Variants in SDK1 observed in about 807,000 individuals in gnomAD.
SDK1 encodes sidekick cell adhesion molecule 1.
A neutral mutation model predicts 245.5 loss-of-function variants in SDK1; 157 were observed. The ratio of observed to expected loss-of-function variants is 0.64; its 90% CI spans 0.56 to 0.73. The LOEUF (loss-of-function observed/expected upper bound fraction) is 0.73. Ranked by LOEUF, SDK1 falls within the 30% of genes least tolerant of loss-of-function variation. The pLI, the probability that SDK1 is intolerant of heterozygous loss-of-function variation, is 0.00. For missense variants in SDK1, 3,583 were observed against 3,002.3 expected, an observed-to-expected ratio of 1.19 and a Z score of -4.52; for synonymous variants, 1,647 against 1,278.5, an observed-to-expected ratio of 1.29 and a Z score of -6.15.
intron 4 of SDK1, among the ~76,000 whole-genome samples, chr7:3,664,207 A>C (rs1324955045): frequency 6.6e-6 from 1 of 152,120 alleles, no homozygotes; most frequent in Admixed American, 6.5e-5. Context: ...GGGAGTGTAA[A>C]GCATGAGGCA....
chr7:3,536,711 C>A (rs1244157123), intron 1 of SDK1, among the ~76,000 whole-genome samples: 2 of 150,988 alleles, frequency 1.3e-5, no homozygotes, highest in Non-Finnish European at 1.5e-5. Flanking sequence ...AAAACAAAAA[C>A]AAAAAACAAA....
rs142864164 is a variant in SDK1 at position 3,692,734 on chromosome 7, T to C, written c.713+50629T>C. ...TTTATGAAACATTATAGAATATTTATACTCTTTGATCTATTCAATGTAATA... is the reference window on the plus strand; with the variant it reads ...TTTATGAAACATTATAGAATATTTACACTCTTTGATCTATTCAATGTAATA... On this transcript the variant is annotated intron_variant, in intron 4 of 44. Coordinates refer to ENST00000404826, the MANE Select transcript of SDK1 (RefSeq NM_152744.4). 4.6e-5 allele frequency among the ~76,000 whole-genome samples: 7 copies of C among 152,290 alleles called. No homozygotes were observed. In the East Asian group the frequency reaches 1.4e-3, roughly 29 times the overall value.
intron 22 of SDK1, among the ~76,000 whole-genome samples, chr7:4,080,133 G>T (rs945224473): frequency 6.6e-6 from 1 of 152,160 alleles, no homozygotes; most frequent in African/African-American, 2.4e-5. Context: ...GAGGGACAGC[G>T]AGGAGGGTGG....
chr7:3,738,596 G>GATTGTATTAA (rs1779386552), intron 4 of SDK1, among the ~76,000 whole-genome samples: 2 of 152,098 alleles, frequency 1.3e-5, no homozygotes, highest in South Asian at 4.1e-4. Context: ...ATTTTAGCAG[G>GATTGTATTAA]ATTGTATTAA....
At chr7:3,727,621 G>C (rs190030368) in intron 4 of SDK1, among the ~76,000 whole-genome samples, 32 of 152,160 alleles carry the variant, frequency 2.1e-4, no homozygotes, top group African/African-American at 7.0e-4. Context: ...CTCCTGAGTA[G>C]CTGGGATTAT....
chr7:4,233,471 T>G (rs10249532), intron 41 of SDK1, 52 bp downstream of exon 41: 3 of 1,553,940 alleles, frequency 1.9e-6, no homozygotes, highest in Non-Finnish European at 2.6e-6. Flanking sequence ...GAGGGAGAAA[T>G]GGGGTCGAGG....
chr7:4,248,231 TAC>T (rs758287022), intron 44 of SDK1, among the ~76,000 whole-genome samples: 2 of 151,932 alleles, frequency 1.3e-5, no homozygotes, highest in African/African-American at 2.4e-5. Context: ...CACACCTGCA[TAC>T]ACACATGCAT....
intron 4 of SDK1, among the ~76,000 whole-genome samples, chr7:3,665,251 C>G (rs1783490112): frequency 6.6e-6 from 1 of 152,208 alleles, no homozygotes; most frequent in Non-Finnish European, 1.5e-5. Context: ...TCATCCCCAC[C>G]TACAGTGATG....
intron 4 of SDK1, among the ~76,000 whole-genome samples, chr7:3,709,250 G>C (rs1784967938): frequency 6.6e-6 from 1 of 152,138 alleles, no homozygotes; most frequent in Admixed American, 6.5e-5. Flanking sequence ...TCTGTTTAAG[G>C]AGCCTCAAGA....
At chr7:3,551,965 T>C (rs1427893086) in intron 1 of SDK1, among the ~76,000 whole-genome samples, 1 of 152,206 alleles carries the variant, frequency 6.6e-6, no homozygotes, top group African/African-American at 2.4e-5. Flanking sequence ...AATTAAGTAT[T>C]AATACTATGG....
At chr7:3,634,398 T>C (rs147569661) in intron 2 of SDK1, among the ~76,000 whole-genome samples, 75 of 152,330 alleles carry the variant, frequency 4.9e-4, no homozygotes, top group African/African-American at 1.8e-3. Context: ...AAATGGACAT[T>C]TAAGCCTTTG....
chr7:3,611,504 T>C, intron 1 of SDK1, among the ~76,000 whole-genome samples: 1 of 152,154 alleles, frequency 6.6e-6, no homozygotes, highest in East Asian at 1.9e-4. Context: ...GACTTTGTCC[T>C]AAAACAATCA....
At chr7:3,945,056 G>C (rs1780519574) in intron 5 of SDK1, among the ~76,000 whole-genome samples, 1 of 152,240 alleles carries the variant, frequency 6.6e-6, no homozygotes, top group Non-Finnish European at 1.5e-5. Context: ...AGAGTTTGCA[G>C]TGAGCTGAGA....
chr7:4,187,197 G>GT (rs1782946776), intron 35 of SDK1, among the ~76,000 whole-genome samples: 1 of 152,182 alleles, frequency 6.6e-6, no homozygotes, highest in South Asian at 2.1e-4. Flanking sequence ...ACCTGAGGGA[G>GT]TGGGGAGGGC....
rs192310105 is a variant in SDK1 at position 3,708,279 on chromosome 7, G to A, written c.713+66174G>A. 3.4e-3 allele frequency among the ~76,000 whole-genome samples: 513 copies of A among 151,974 alleles called. 2 individuals are homozygous for A. The highest frequency in any genetic ancestry group is 0.015 in the South Asian group (71 of 4,804). On this transcript the variant is annotated intron_variant, in intron 4 of 44. Coordinates refer to ENST00000404826, the MANE Select transcript of SDK1 (RefSeq NM_152744.4). ...CATTCATGAGAAACCCACCTCCAAG[G>A]TCCAGTTACCTCCCACCAGGCCCTC...
intron 35 of SDK1, among the ~76,000 whole-genome samples, chr7:4,184,095 C>A (rs998564006): frequency 6.6e-6 from 1 of 152,218 alleles, no homozygotes; most frequent in Non-Finnish European, 1.5e-5. Context: ...ATTGTAACAA[C>A]CCTAATCTGC....
intron 18 of SDK1, among the ~76,000 whole-genome samples, chr7:4,050,040 C>A (rs1488057041): frequency 6.6e-6 from 1 of 152,178 alleles, no homozygotes; most frequent in African/African-American, 2.4e-5. Flanking sequence ...TACACCATCA[C>A]AAAGCACAGC....
chr7:3,435,562 A>G (rs1779998886), intron 1 of SDK1, among the ~76,000 whole-genome samples: 2 of 151,672 alleles, frequency 1.3e-5, no homozygotes, highest in South Asian at 4.2e-4. Context: ...ACGGGGTTTC[A>G]CCGTGTTGTC....
intron 1 of SDK1, among the ~76,000 whole-genome samples, chr7:3,516,923 C>G (rs1260213842): frequency 2.0e-5 from 3 of 152,110 alleles, no homozygotes; most frequent in Admixed American, 6.6e-5. Context: ...CATGTTGGGT[C>G]AGATCTGCCT....
Sources: gnomAD v4.1 joint callset for allele counts (sites outside exome capture counted in the v4.1 genomes callset) on GRCh38, gnomAD v4.1.1 for gene constraint, MANE v1.5 for transcripts, NCBI Gene and HGNC (gene_info 2026-07-23, HGNC 2026-07-21) for gene names.